The following CCDC141 variants were observed in gnomAD, a reference collection of about 807,000 sequenced individuals.
The protein encoded by CCDC141 is coiled-coil domain-containing protein 141.
CCDC141 carries 168 observed loss-of-function variants against 181.0 expected under a neutral mutation model. The ratio of observed to expected loss-of-function variants is 0.93; its 90% CI spans 0.82 to 1.05. The LOEUF is 1.05. Ranked by LOEUF, CCDC141 falls within the 50% of genes least tolerant of loss-of-function variation. CCDC141 has a pLI of 0.00. For missense variants in CCDC141, 1,902 were observed against 1,788.5 expected, an observed-to-expected ratio of 1.06 and a Z score of -1.14; for synonymous variants, 666 against 642.3, an observed-to-expected ratio of 1.04 and a Z score of -0.56.
intron 3 of CCDC141, 130 bp from the exon 4 acceptor site, chr2:178,975,295 T>C (rs1434680955): frequency 1.9e-6 from 1 of 530,360 alleles, no homozygotes; most frequent in Non-Finnish European, 3.4e-6. Context: ...CAAGTGCATA[T>C]GTTTGTATGT....
chr2:178,986,448 T>A (rs138228312), intron 2 of CCDC141, among the ~76,000 whole-genome samples: 6 of 152,314 alleles, frequency 3.9e-5, no homozygotes, highest in African/African-American at 1.4e-4. Context: ...TTCAACATAG[T>A]GTTGGATGTT....
At chr2:178,965,832 C>T (rs1383781139) in intron 4 of CCDC141, among the ~76,000 whole-genome samples, 1 of 152,142 alleles carries the variant, frequency 6.6e-6, no homozygotes, top group African/African-American at 2.4e-5. Context: ...TTAGCAGTTC[C>T]CACCCCCAGA....
chr2:178,921,293 G>A (rs948855424), intron 6 of CCDC141, among the ~76,000 whole-genome samples: 9 of 152,292 alleles, frequency 5.9e-5, no homozygotes, highest in African/African-American at 1.7e-4. Context: ...TTAACCTACT[G>A]GGAATGAGCA....
At position 178,855,660 on chromosome 2, in the gene CCDC141, A is replaced by G; in HGVS notation, c.2866-119T>C. On this transcript the variant is annotated intron_variant, in intron 18 of 23. Coordinates refer to ENST00000443758, the MANE Select transcript of CCDC141 (RefSeq NM_173648.4). The stretch of plus-strand genomic sequence containing the variant: ...GCAGCTTCCTCCAATCTATTAAAAT[A>G]ATAATTATTACAAATATATTATGGT... The G allele has an allele frequency of 5.2e-6, 3 of 572,314 alleles. No homozygotes were observed. In the East Asian group the frequency reaches 9.5e-5, roughly 18 times the overall value. The allele number at this position is 572,314 out of a possible 1,614,324, so 35.5% of individuals were successfully genotyped here.
At chr2:178,934,553 C>A (rs547126079) in intron 6 of CCDC141, among the ~76,000 whole-genome samples, 1 of 152,086 alleles carries the variant, frequency 6.6e-6, no homozygotes. Flanking sequence ...AAAACAATTA[C>A]CCAGAGTCAA....
intron 2 of CCDC141, among the ~76,000 whole-genome samples, chr2:179,010,861 TA>T (rs1201202018): frequency 2.0e-5 from 3 of 152,102 alleles, no homozygotes; most frequent in Admixed American, 6.6e-5. Context: ...ATGCTCCACT[TA>T]AAAGATACAG....
At chr2:179,019,155 T>C (rs953181403) in intron 2 of CCDC141, among the ~76,000 whole-genome samples, 16 of 152,172 alleles carry the variant, frequency 1.1e-4, no homozygotes, top group African/African-American at 3.6e-4. Flanking sequence ...GCCAATATTA[T>C]ATTAGGAGAC....
intron 21 of CCDC141, among the ~76,000 whole-genome samples, chr2:178,847,358 C>G (rs564777229): frequency 3.2e-4 from 49 of 152,144 alleles, no homozygotes; most frequent in African/African-American, 1.2e-3. Flanking sequence ...AGTGAGACCT[C>G]AACTTTACAA....
chr2:178,967,389 C>A (rs1418550352), intron 4 of CCDC141, among the ~76,000 whole-genome samples: 2 of 152,158 alleles, frequency 1.3e-5, no homozygotes, highest in Non-Finnish European at 2.9e-5. Context: ...AACAGCGGAT[C>A]TCTCTGCAGA....
chr2:178,905,880 A>T (rs1237880092), intron 7 of CCDC141, among the ~76,000 whole-genome samples: 1 of 152,244 alleles, frequency 6.6e-6, no homozygotes, highest in East Asian at 1.9e-4. Flanking sequence ...AATATTATAC[A>T]GGCTTTTATG....
chr2:179,002,769 A>T (rs1446752943), intron 2 of CCDC141: 4 of 153,834 alleles, frequency 2.6e-5, no homozygotes, highest in African/African-American at 9.6e-5. Context: ...CCAGTCAATA[A>T]TAATATTTTT....
intron 4 of CCDC141, among the ~76,000 whole-genome samples, chr2:178,971,061 A>C (rs1690863333): frequency 6.6e-6 from 1 of 152,068 alleles, no homozygotes; most frequent in African/African-American, 2.4e-5. Context: ...TAAAAAAATT[A>C]GCCGGGCCTG....
chr2:178,869,511 A>G (rs1686012807), intron 14 of CCDC141, among the ~76,000 whole-genome samples: 1 of 152,360 alleles, frequency 6.6e-6, no homozygotes, highest in Middle Eastern at 3.4e-3. Flanking sequence ...ATTTACAAAA[A>G]AAAATAGCAT....
At chr2:178,903,228 A>G (rs1285215348) in intron 8 of CCDC141, among the ~76,000 whole-genome samples, 2 of 149,694 alleles carry the variant, frequency 1.3e-5, no homozygotes, top group Non-Finnish European at 3.0e-5. Flanking sequence ...AACTAGAAAT[A>G]CCATTTGACC....
intron 6 of CCDC141, among the ~76,000 whole-genome samples, chr2:178,937,986 C>A (rs1438027314): frequency 6.6e-6 from 1 of 151,924 alleles, no homozygotes; most frequent in African/African-American, 2.4e-5. Context: ...AGCCAATCTA[C>A]CTTATTAAGT....
chr2:179,024,144 C>T (rs1236438809), intron 2 of CCDC141, among the ~76,000 whole-genome samples: 1 of 152,162 alleles, frequency 6.6e-6, no homozygotes, highest in Non-Finnish European at 1.5e-5. Context: ...TGACACAAAT[C>T]AGAAAAACTA....
At chr2:178,980,273 C>A (rs149101386) in intron 2 of CCDC141, among the ~76,000 whole-genome samples, 1 of 151,988 alleles carries the variant, frequency 6.6e-6, no homozygotes, top group African/African-American at 2.4e-5. Context: ...CACAGTGAAA[C>A]GCCATCTCTA....
intron 11 of CCDC141, among the ~76,000 whole-genome samples, chr2:178,881,902 C>CTT (rs1686628237): frequency 2.0e-5 from 2 of 101,260 alleles, no homozygotes; most frequent in African/African-American, 7.8e-5. Context: ...CTCTCTCTCT[C>CTT]TCTCTCTCTC....
At chr2:178,836,004 C>T (rs1418477519) in intron 23 of CCDC141, 1 of 152,570 alleles carries the variant, frequency 6.6e-6, no homozygotes, top group Non-Finnish European at 1.5e-5. Context: ...ATAACTGAAA[C>T]TGATCATTTA....
Sources: allele counts gnomAD v4.1 joint callset (sites outside exome capture counted in the v4.1 genomes callset), GRCh38; gene constraint gnomAD v4.1.1; transcripts MANE v1.5; gene names NCBI Gene and HGNC (gene_info 2026-07-23, HGNC 2026-07-21).